The following BRSK2 variants were observed in gnomAD, a reference collection of about 807,000 sequenced individuals.
BRSK2 encodes the protein BR serine/threonine kinase 2, also known as serine/threonine-protein kinase BRSK2.
Under a neutral mutation model 83.3 loss-of-function variants are expected in BRSK2, and 19 were observed. The observed-to-expected ratio is 0.23, with a 90% CI of 0.16 to 0.33. The LOEUF (loss-of-function observed/expected upper bound fraction) is 0.33, where lower values mean the gene tolerates loss of function less well. BRSK2 is among the 10% of genes least tolerant of loss of function. The pLI, the probability that BRSK2 is intolerant of heterozygous loss-of-function variation, is 1.00. For missense variants in BRSK2, 798 were observed against 1,042.3 expected (o/e 0.77, Z 3.23); for synonymous variants, 519 against 435.4 (o/e 1.19, Z -2.39).
In BRSK2 at chr11:1,440,933, G is replaced by T. The variant is rs1284722341; in HGVS notation, c.413+5G>T. 4.3e-6 allele frequency: 2 copies of T among 463,730 alleles called. No individual in the cohort carries two copies. The highest frequency in any genetic ancestry group is 6.7e-6 in the Non-Finnish European group (2 of 297,282). The allele number at this position is 463,730 out of a possible 1,614,324, so 28.7% of individuals were successfully genotyped here. On this transcript the variant is annotated splice_donor_5th_base_variant and intron_variant, in intron 4 of 19. Transcript: ENST00000528841. ...CTGCCACAGCCACTCCATATGGTGAGGCCCCACCCCTGGTGCCCCCCACTC... is the reference window on the plus strand; with the variant it reads ...CTGCCACAGCCACTCCATATGGTGATGCCCCACCCCTGGTGCCCCCCACTC...
Position 1,438,356 on chromosome 11 carries a change from A to G in BRSK2, c.237A>G (p.Leu79=). Residue 79 remains leucine, a synonymous_variant, in exon 3 of 20, where the codon CTA becomes CTG. Coordinates refer to ENST00000528841, the MANE Select transcript of BRSK2 (RefSeq NM_001256627.2). This position sits in a 1 kb window ranked among gnomAD's most constrained non-coding sequence, Gnocchi z 6.4. The part of the protein sequence containing the change: ...ILKLIEHPHV[L]KLHDVYENKK... ...AGCTCATTGAGCACCCCCACGTCCTAAAGCTGCACGACGTTTATGAAAACA... is the reference window on the plus strand; with the variant it reads ...AGCTCATTGAGCACCCCCACGTCCTGAAGCTGCACGACGTTTATGAAAACA... The G allele has an allele frequency of 6.2e-7, 1 of 1,614,096 alleles. No individual in the cohort carries two copies. Among genetic ancestry groups the G allele is most frequent in the Non-Finnish European group, 8.5e-7 (1 of 1,179,966 alleles).
At chr11:1,459,058 C>A in intron 18 of BRSK2, 134 bp from the exon 19 acceptor site, 129 of 491,558 alleles carry the variant, frequency 2.6e-4, no homozygotes, top group Middle Eastern at 8.0e-4. Flanking sequence ...CCCCAGTATT[C>A]CCCACCCATG....
rs1415918197 is a variant in BRSK2, at chr11:1,456,606, C to T, written c.1858C>T (p.Arg620Cys). The T allele has an allele frequency of 3.1e-6, 5 of 1,610,658 alleles. No homozygotes were observed. Among genetic ancestry groups the T allele is most frequent in the East Asian group, 2.2e-5 (1 of 44,812 alleles). Reference protein sequence around the residue: ...VTFTLLSGPSRRFKRVVETIQ... With the variant: ...VTFTLLSGPSCRFKRVVETIQ... Reference sequence around the variant, plus strand: ...CCCCCTGTCTCCCCTAGGCCCCAGCCGTCGCTTCAAGAGGGTGGTGGAGAC... The same window carrying T: ...CCCCCTGTCTCCCCTAGGCCCCAGCTGTCGCTTCAAGAGGGTGGTGGAGAC... Residue 620 changes from arginine to cysteine, a missense_variant, in exon 18 of 20, where the codon CGT (arginine) becomes TGT (cysteine). Physicochemically the swap from Arg to Cys is radical, Grantham distance 180 (BLOSUM62 -3). Around this residue, in one of 6 missense-constraint regions of BRSK2, gnomAD observed 455 missense variants for 455.2 expected, o/e 1.00. Coordinates refer to ENST00000528841, the MANE Select transcript of BRSK2 (RefSeq NM_001256627.2).
chr11:1,392,922 G>A (rs542405114), intron 1 of BRSK2, among the ~76,000 whole-genome samples: 20 of 152,222 alleles, frequency 1.3e-4, no homozygotes, highest in East Asian at 5.8e-4. Context: ...TCTCACTGCC[G>A]GTGCCAGGCA....
Position 1,438,231 on chromosome 11 carries a change from CA to C in BRSK2, c.187-72del, listed in dbSNP as rs1402605586. On this transcript the variant is annotated intron_variant, in intron 2 of 19. Transcript: ENST00000528841. This position sits in a 1 kb window ranked among gnomAD's most constrained non-coding sequence, Gnocchi z 6.4. ...CCCCTGCGACCCCCACAGCTGGCACCAAAGGCAGTGTCTGTGGGGAGCGATG... is the reference window on the plus strand; with the variant it reads ...CCCCTGCGACCCCCACAGCTGGCACCAAGGCAGTGTCTGTGGGGAGCGATG... 6.9e-6 allele frequency: 10 copies of C among 1,453,466 alleles called. No homozygotes were observed. The highest frequency in any genetic ancestry group is 5.2e-5 in the Admixed American group (3 of 57,282). 90.0% of individuals were successfully genotyped at this position (1,453,466 alleles called of 1,614,324 possible).
At chr11:1,453,160 T>G (rs1439300076) in intron 15 of BRSK2, among the ~76,000 whole-genome samples, 2 of 152,236 alleles carry the variant, frequency 1.3e-5, no homozygotes, top group East Asian at 3.8e-4. Flanking sequence ...TAAGTTCGTC[T>G]CATCTAAAAA....
At chr11:1,401,163 C>G (rs577927335) in intron 1 of BRSK2, among the ~76,000 whole-genome samples, 32 of 152,328 alleles carry the variant, frequency 2.1e-4, no homozygotes, top group African/African-American at 7.2e-4. Context: ...CTGCCCACTC[C>G]GCAGGCCTCT....
At chr11:1,429,328 G>A (rs573684575) in intron 1 of BRSK2, among the ~76,000 whole-genome samples, 1 of 110,078 alleles carries the variant, frequency 9.1e-6, no homozygotes, top group African/African-American at 5.1e-5. Flanking sequence ...TGTGCGCACA[G>A]GTGTGTGTCC....
chr11:1,461,490 C>A lies in BRSK2; in HGVS notation c.*767C>A. On this transcript the variant is annotated 3_prime_UTR_variant, in exon 20 of 20. Transcript: ENST00000528841. ...CTGAGGTGGAAACAGAGACACCCTGCGGCACCAGAGCCTTCCCAGCAGGCC... is the reference window on the plus strand; with the variant it reads ...CTGAGGTGGAAACAGAGACACCCTGAGGCACCAGAGCCTTCCCAGCAGGCC... 5.1e-6 allele frequency: 1 copy of A among 196,792 alleles called. No individual in the cohort carries two copies. Among genetic ancestry groups the A allele is most frequent in the Non-Finnish European group, 1.0e-5 (1 of 98,300 alleles). 12.2% of individuals were successfully genotyped at this position (196,792 alleles called of 1,614,324 possible). A position where few individuals can be genotyped will look rare whatever the true frequency, so the allele number is the denominator to read the frequency against.
intron 12 of BRSK2, among the ~76,000 whole-genome samples, chr11:1,448,982 C>T (rs1357284686): frequency 2.0e-5 from 3 of 152,228 alleles, no homozygotes; most frequent in South Asian, 2.1e-4. Context: ...CTGTCCTCTT[C>T]TCTTCGGCGG....
At chr11:1,405,136 G>A (rs1049469333) in intron 1 of BRSK2, among the ~76,000 whole-genome samples, 7 of 152,092 alleles carry the variant, frequency 4.6e-5, no homozygotes, top group African/African-American at 1.2e-4. Context: ...CTGGGAGGGG[G>A]TTGGGAGCGG....
chr11:1,404,233 C>T (rs4341570), intron 1 of BRSK2, among the ~76,000 whole-genome samples: 24,121 of 152,188 alleles, frequency 0.16, 2,339 homozygotes, highest in Non-Finnish European at 0.2. Context: ...TCTGGGTGCG[C>T]GGAGCTGTGT....
intron 5 of BRSK2, among the ~76,000 whole-genome samples, 168 bp from the exon 6 acceptor site, chr11:1,442,938 C>G (rs567026674): frequency 6.6e-6 from 1 of 152,278 alleles, no homozygotes; most frequent in Non-Finnish European, 1.5e-5. Flanking sequence ...ACCCAGTGCC[C>G]CACCTTGATC....
In BRSK2 at chr11:1,444,936, G is replaced by A. The variant is rs181772930; in HGVS notation, c.781-35G>A. 5.3e-3 allele frequency: 8,532 copies of A among 1,603,832 alleles called. 32 individuals are homozygous for A. The highest frequency in any genetic ancestry group is 6.0e-3 in the Non-Finnish European group (7,080 of 1,171,576). On this transcript the variant is annotated intron_variant, in intron 8 of 19. Transcript: ENST00000528841. ...CTAATGTGGGCTCTTTCCGTCCCTC[G>A]TCCGTACTAACTCCCTGTTTCTCTT...
chr11:1,454,346 C>A lies in BRSK2; in HGVS notation c.1545-139C>A. On this transcript the variant is annotated intron_variant, in intron 15 of 19. Coordinates refer to ENST00000528841, the MANE Select transcript of BRSK2 (RefSeq NM_001256627.2). The surrounding 1 kb of genome is among the most constrained non-coding windows in gnomAD (Gnocchi z 5.2). ...GGCGTTGGGGTCAGGGCCATGGGTT[C>A]TGGCTAGCACTGTGGAGACAGCCGT... is the stretch of plus-strand genomic sequence containing the variant. 1 of 1,035,150 alleles carries A rather than the reference C, an allele frequency of 9.7e-7. No individual in the cohort carries two copies. Among genetic ancestry groups the A allele is most frequent in the Non-Finnish European group, 1.4e-6 (1 of 694,982 alleles). The allele number at this position is 1,035,150 out of a possible 1,614,324, so 64.1% of individuals were successfully genotyped here. A position where few individuals can be genotyped will look rare whatever the true frequency, so the allele number is the denominator to read the frequency against.
chr11:1,445,093 C>T, intron 9 of BRSK2, 91 bp downstream of exon 9: 1 of 1,548,460 alleles, frequency 6.5e-7, no homozygotes, highest in Non-Finnish European at 8.9e-7. Context: ...GGGCGCCGGC[C>T]CAGCGCAGGT....
Position 1,390,246 on chromosome 11 carries a change from G to T in BRSK2, c.-39G>T. The T allele has an allele frequency of 1.0e-6, 1 of 988,262 alleles. No homozygotes were observed. Among genetic ancestry groups the T allele is most frequent in the Non-Finnish European group, 1.2e-6 (1 of 826,382 alleles). 61.2% of individuals were successfully genotyped at this position (988,262 alleles called of 1,614,324 possible). On this transcript the variant is annotated 5_prime_UTR_variant, in exon 1 of 20. Transcript: ENST00000528841. This position sits in a 1 kb window ranked among gnomAD's most constrained non-coding sequence, Gnocchi z 6.8. ...CGCTGGGCGGCCCCTCCCTGCCCGC[G>T]CGCCCGGGCGCCCCTGGCCGGCGCC...
At chr11:1,452,703 C>T (rs539240742) in intron 15 of BRSK2, among the ~76,000 whole-genome samples, 1 of 151,868 alleles carries the variant, frequency 6.6e-6, no homozygotes, top group South Asian at 2.1e-4. Context: ...ATGCCTGCGA[C>T]AGCCGTTCCC....
intron 1 of BRSK2, among the ~76,000 whole-genome samples, chr11:1,393,469 A>G (rs1459872011): frequency 1.3e-5 from 2 of 152,056 alleles, no homozygotes; most frequent in Non-Finnish European, 2.9e-5. Context: ...AGAAAGGAAT[A>G]ATGGCCGCGA....
Sources: gnomAD v4.1 joint callset for allele counts (sites outside exome capture counted in the v4.1 genomes callset) on GRCh38, gnomAD v4.1.1 for gene constraint, gnomAD v4.1.1 regional missense constraint, Gnocchi (gnomAD v3.1) non-coding constraint, MANE v1.5 for transcripts, NCBI Gene and HGNC (gene_info 2026-07-23, HGNC 2026-07-21) for gene names.